The following SUV39H2 variants were observed in gnomAD, a reference collection of about 807,000 sequenced individuals.
SUV39H2 encodes histone-lysine N-methyltransferase SUV39H2.
A neutral mutation model predicts 47.5 loss-of-function variants in SUV39H2; 10 were observed. The observed-to-expected ratio is 0.21, with a 90% CI of 0.13 to 0.36. SUV39H2 has a LOEUF of 0.36. Ranked by LOEUF, SUV39H2 falls within the 10% of genes least tolerant of loss-of-function variation. SUV39H2 has a pLI of 1.00. For synonymous variants in SUV39H2, 159 were observed against 166.8 expected (o/e 0.95, Z 0.36); for missense variants, 266 against 487.4 (o/e 0.55, Z 4.28).
At chr10:14,886,661 A>G (rs1023758862) in intron 2 of SUV39H2, among the ~76,000 whole-genome samples, 11 of 152,128 alleles carry the variant, frequency 7.2e-5, no homozygotes, top group Admixed American at 5.9e-4. Context: ...TCGTATACTT[A>G]CTCAACAAAT....
chr10:14,879,014 G>T, intron 1 of SUV39H2, 95 bp downstream of exon 1: 3 of 1,321,352 alleles, frequency 2.3e-6, no homozygotes, highest in South Asian at 2.2e-5. Flanking sequence ...GCCAGATGGC[G>T]ACGTGGCGGT....
chr10:14,879,798 A>G (rs1265851824), intron 1 of SUV39H2: 1 of 152,192 alleles, frequency 6.6e-6, no homozygotes, highest in Non-Finnish European at 1.5e-5. Flanking sequence ...AACCAGCGGA[A>G]GGTGTTTGTG....
chr10:14,902,562 T>C lies in SUV39H2; in HGVS notation c.*50T>C. ...GATTATAATATTTTTTTCCTAATGT[T>C]AACATTTTTAAAAATACATATTTGG... is the stretch of plus-strand genomic sequence containing the variant. On this transcript the variant is annotated 3_prime_UTR_variant, in exon 6 of 6. Transcript: ENST00000354919. 8.5e-7 allele frequency: 1 copy of C among 1,183,100 alleles called. No individual in the cohort carries two copies. Among genetic ancestry groups the C allele is most frequent in the Non-Finnish European group, 1.2e-6 (1 of 852,834 alleles). The allele number at this position is 1,183,100 out of a possible 1,614,324, so 73.3% of individuals were successfully genotyped here.
rs753149707 is a variant in SUV39H2 at position 14,897,319 on chromosome 10, A to G, written c.651A>G (p.Gln217=). ...GVLLAYNKNQ[Q]IKIPPGTPIY... The stretch of plus-strand genomic sequence containing the variant: ...TTTTGGCTTATAATAAAAACCAACA[A>G]ATTAAAATCCCACCTGGTACTCCCA... Residue 217 remains glutamine, a synonymous_variant, in exon 3 of 6, where the codon CAA becomes CAG. Transcript: ENST00000354919. 10 of 1,613,016 alleles carry G rather than the reference A, an allele frequency of 6.2e-6. No individual in the cohort carries two copies. Among genetic ancestry groups the G allele is most frequent in the Admixed American group, 1.7e-5 (1 of 59,976 alleles).
chr10:14,890,667 A>T (rs1434149222), intron 2 of SUV39H2, among the ~76,000 whole-genome samples: 3 of 152,198 alleles, frequency 2.0e-5, no homozygotes, highest in Admixed American at 6.6e-5. Flanking sequence ...GCCCAGCCAG[A>T]TGCAGGTTAT....
chr10:14,896,167 T>A (rs1564341344), intron 2 of SUV39H2, among the ~76,000 whole-genome samples: 1 of 152,196 alleles, frequency 6.6e-6, no homozygotes, highest in Non-Finnish European at 1.5e-5. Context: ...GGTCTCGAAC[T>A]CCTGGGCTCA....
In SUV39H2 at chr10:14,897,403, A is replaced by G. The variant is rs1833664449; in HGVS notation, c.735A>G (p.Gln245=). 3 of 1,613,488 alleles carry G rather than the reference A, an allele frequency of 1.9e-6. No homozygotes were observed. The highest frequency in any genetic ancestry group is 4.5e-5 in the East Asian group (2 of 44,884). Residue 245 remains glutamine, a synonymous_variant, in exon 3 of 6, where the codon CAA becomes CAG. Coordinates refer to ENST00000354919, the MANE Select transcript of SUV39H2 (RefSeq NM_001193424.2). ...CGPDCPNRIV[Q]KGTQYSLCIF... is the part of the protein sequence containing the mutation. ...CTGATTGTCCCAATAGGATTGTACA[A>G]AAAGGCACACAGTATTCGCTTTGCA...
chr10:14,901,036 TAAACTA>T (rs1833973117), intron 4 of SUV39H2, 91 bp from the exon 5 acceptor site: 7 of 1,485,724 alleles, frequency 4.7e-6, no homozygotes, highest in Non-Finnish European at 6.3e-6. Context: ...CAGTGGAACT[TAAACTA>T]AATCTCTAGG....
At chr10:14,879,150 G>A (rs1024166745) in intron 1 of SUV39H2, 5 of 1,224,154 alleles carry the variant, frequency 4.1e-6, no homozygotes, top group Non-Finnish European at 5.1e-6. Flanking sequence ...CGAGCCTGGG[G>A]CACTTCGGAA....
At chr10:14,881,394 C>G in intron 1 of SUV39H2, 106 bp from the exon 2 acceptor site, 1 of 1,002,224 alleles carries the variant, frequency 1.0e-6, no homozygotes, top group Non-Finnish European at 1.3e-6. Flanking sequence ...AATTTTTAGT[C>G]TAAAATTGCC....
At chr10:14,883,224 T>A (rs1414446380) in intron 2 of SUV39H2, among the ~76,000 whole-genome samples, 1 of 152,168 alleles carries the variant, frequency 6.6e-6, no homozygotes, top group East Asian at 1.9e-4. Context: ...TTTACTGATA[T>A]ATCTCAGTCA....
chr10:14,889,966 A>G (rs555863686), intron 2 of SUV39H2, among the ~76,000 whole-genome samples: 8 of 152,338 alleles, frequency 5.3e-5, no homozygotes, highest in Admixed American at 4.6e-4. Context: ...CTCTGTACAC[A>G]TTGATGGACA....
At chr10:14,893,042 G>T (rs1292561034) in intron 2 of SUV39H2, among the ~76,000 whole-genome samples, 2 of 131,166 alleles carry the variant, frequency 1.5e-5, no homozygotes, top group African/African-American at 5.9e-5. Flanking sequence ...TCTCGCTGTC[G>T]CCCAGGCTGG....
intron 4 of SUV39H2, 133 bp from the exon 5 acceptor site, chr10:14,901,000 C>A: frequency 8.3e-7 from 1 of 1,212,020 alleles, no homozygotes. Flanking sequence ...CCTCAAAGAC[C>A]TCTAAGCAAT....
Position 14,903,924 on chromosome 10 carries a change from A to G in SUV39H2, c.*1412A>G, listed in dbSNP as rs1428850848. ...GGAGAAGCTAGACTTTATTCATTAT[A>G]TTGCTATGACAACTTCACTCTTTCA... On this transcript the variant is annotated 3_prime_UTR_variant, in exon 6 of 6. Coordinates refer to ENST00000354919, the MANE Select transcript of SUV39H2 (RefSeq NM_001193424.2). 3.9e-5 allele frequency: 6 copies of G among 152,196 alleles called. No homozygotes were observed. Among genetic ancestry groups the G allele is most frequent in the Admixed American group, 1.3e-4 (2 of 15,280 alleles). 9.4% of individuals were successfully genotyped at this position (152,196 alleles called of 1,614,324 possible). A position where few individuals can be genotyped will look rare whatever the true frequency, so the allele number is the denominator to read the frequency against.
intron 2 of SUV39H2, among the ~76,000 whole-genome samples, chr10:14,882,082 GTTATAATAGAATGGCCTGGA>G (rs1833054519): frequency 6.6e-6 from 1 of 152,144 alleles, no homozygotes; most frequent in South Asian, 2.1e-4. Context: ...CAGGTTCTAG[GTTATAATAGAATGGCCTGGA>G]TTGCAAAGTC....
At chr10:14,891,920 A>T (rs1011763477) in intron 2 of SUV39H2, among the ~76,000 whole-genome samples, 5 of 152,220 alleles carry the variant, frequency 3.3e-5, no homozygotes, top group Admixed American at 6.5e-5. Context: ...TGTAGTAGGA[A>T]TTCTCTAAAC....
chr10:14,899,530 T>C lies in SUV39H2; in HGVS notation c.850-9T>C, dbSNP rs769296049. 9 of 1,613,258 alleles carry C rather than the reference T, an allele frequency of 5.6e-6. No individual in the cohort carries two copies. The highest frequency in any genetic ancestry group is 5.9e-6 in the Non-Finnish European group (7 of 1,179,792). ...GCTACGTAATATACTTACAGTTTTT[T>C]CTGTTTAGGTAATCACAAGTGAAGA... is the stretch of plus-strand genomic sequence containing the variant. On this transcript the variant is annotated splice_polypyrimidine_tract_variant and intron_variant, in intron 3 of 5. Transcript: ENST00000354919.
chr10:14,892,256 T>G (rs1017944430), intron 2 of SUV39H2, among the ~76,000 whole-genome samples: 2 of 152,216 alleles, frequency 1.3e-5, no homozygotes, highest in Admixed American at 1.3e-4. Flanking sequence ...ACTAACAAGA[T>G]GGAGTTAAAT....
Sources: gnomAD v4.1 joint callset for allele counts (sites outside exome capture counted in the v4.1 genomes callset) on GRCh38, gnomAD v4.1.1 for gene constraint, MANE v1.5 for transcripts, NCBI Gene and HGNC (gene_info 2026-07-23, HGNC 2026-07-21) for gene names.